OPCML: variants seen among roughly 807,000 people sequenced by gnomAD.
OPCML encodes the protein opioid-binding protein/cell adhesion molecule.
Under a neutral mutation model 37.8 loss-of-function variants are expected in OPCML, and 13 were observed. The ratio of observed to expected loss-of-function variants is 0.34; its 90% CI spans 0.22 to 0.55. The LOEUF (loss-of-function observed/expected upper bound fraction) is 0.55, where lower values mean the gene tolerates loss of function less well. Among genes scored for constraint, OPCML ranks in the 20% least tolerant of loss-of-function variants. The probability of loss-of-function intolerance (pLI) is 0.91; values close to 1 mark genes in which losing one functional copy is unlikely to be tolerated. For synonymous variants in OPCML, 176 were observed against 168.8 expected, an observed-to-expected ratio of 1.04 and a Z score of -0.33; for missense variants, 341 against 435.6, an observed-to-expected ratio of 0.78 and a Z score of 1.93.
chr11:132,487,812 C>A (rs1438632751), intron 4 of OPCML, among the ~76,000 whole-genome samples: 1 of 152,204 alleles, frequency 6.6e-6, no homozygotes, highest in Non-Finnish European at 1.5e-5. Context: ...CACGATTGGC[C>A]ATGATTCTTA....
chr11:132,750,838 GGTGTGCAAT>G (rs138497945), intron 2 of OPCML, among the ~76,000 whole-genome samples: 5,269 of 150,800 alleles, frequency 0.035, 177 homozygotes, highest in African/African-American at 0.089. Flanking sequence ...CGCCCAGGCT[GGTGTGCAAT>G]GTGTGCAATG....
chr11:132,575,914 G>T (rs2096449443), intron 3 of OPCML, among the ~76,000 whole-genome samples: 2 of 152,004 alleles, frequency 1.3e-5, no homozygotes, highest in African/African-American at 4.8e-5. Context: ...GCCAGGCATA[G>T]TAATCTTGAT....
At chr11:132,673,539 G>A (rs2135824605) in intron 2 of OPCML, among the ~76,000 whole-genome samples, 1 of 152,198 alleles carries the variant, frequency 6.6e-6, no homozygotes, top group East Asian at 1.9e-4. Flanking sequence ...CTGCACCCAG[G>A]TTGATTAGCT....
At chr11:133,059,477 C>G (rs1483448216) in intron 1 of OPCML, among the ~76,000 whole-genome samples, 3 of 152,162 alleles carry the variant, frequency 2.0e-5, no homozygotes, top group Non-Finnish European at 4.4e-5. Context: ...ATGGACAACC[C>G]CAGCACACAA....
chr11:132,804,761 G>A (rs745577887), intron 2 of OPCML, among the ~76,000 whole-genome samples: 1 of 152,182 alleles, frequency 6.6e-6, no homozygotes, highest in South Asian at 2.1e-4. Context: ...AGTGTGATCA[G>A]CCAGTAATTG....
At chr11:132,509,308 T>C (rs1565623661) in intron 4 of OPCML, among the ~76,000 whole-genome samples, 1 of 151,902 alleles carries the variant, frequency 6.6e-6, no homozygotes, top group East Asian at 1.9e-4. Context: ...AAACAGAGCA[T>C]AAATGTTCAG....
rs577038871 is a variant in OPCML, at chr11:132,497,392, C to T, written c.505+31669G>A. Among the ~76,000 whole-genome samples the T allele has an allele frequency of 6.7e-5, 10 of 148,604 alleles. No homozygotes were observed. In the East Asian group the frequency reaches 2.0e-3, roughly 30 times the overall value. On this transcript the variant is annotated intron_variant, in intron 4 of 7. Coordinates refer to ENST00000524381, the MANE Select transcript of OPCML (RefSeq NM_001012393.5). ...AACCTGCATGCCTGGCACATGTACC[C>T]CTGAACTTAAAATAAAAGCTGAACA...
intron 2 of OPCML, among the ~76,000 whole-genome samples, chr11:132,743,430 G>A (rs183117154): frequency 1.6e-3 from 248 of 152,246 alleles, no homozygotes; most frequent in African/African-American, 5.6e-3. Flanking sequence ...AACCCTCCAG[G>A]AAGGAAGGAT....
chr11:132,666,458 C>G (rs1942224489), intron 2 of OPCML, among the ~76,000 whole-genome samples: 1 of 152,126 alleles, frequency 6.6e-6, no homozygotes, highest in African/African-American at 2.4e-5. Context: ...TAAACACCCC[C>G]AACCAAGCCC....
At chr11:132,687,746 A>G (rs937529067) in intron 2 of OPCML, among the ~76,000 whole-genome samples, 3 of 152,060 alleles carry the variant, frequency 2.0e-5, no homozygotes, top group East Asian at 3.9e-4. Flanking sequence ...CTAAGTAACA[A>G]GTATTTAGAA....
chr11:132,759,355 G>A (rs1030219021), intron 2 of OPCML, among the ~76,000 whole-genome samples: 1 of 152,084 alleles, frequency 6.6e-6, no homozygotes, highest in Non-Finnish European at 1.5e-5. Context: ...CTATTGTTTG[G>A]AATAGTTTTA....
chr11:132,741,472 T>C (rs1945430845), intron 2 of OPCML, among the ~76,000 whole-genome samples: 1 of 152,170 alleles, frequency 6.6e-6, no homozygotes, highest in Non-Finnish European at 1.5e-5. Flanking sequence ...TCAAGTGGCA[T>C]GACTCGACTC....
At chr11:132,837,043 A>T (rs1941046890) in intron 2 of OPCML, among the ~76,000 whole-genome samples, 1 of 152,176 alleles carries the variant, frequency 6.6e-6, no homozygotes, top group Admixed American at 6.5e-5. Context: ...GGCTGGATGC[A>T]GTGGCTCATG....
rs116616145 is a variant in OPCML at position 133,009,035 on chromosome 11, C to T, written c.62-66025G>A. 2.0e-4 allele frequency: 197 copies of T among 985,406 alleles called. No individual in the cohort carries two copies. The African/African-American group carries it at 3.2e-3, about 16-fold the overall frequency. The allele number at this position is 985,406 out of a possible 1,614,324, so 61.0% of individuals were successfully genotyped here. On this transcript the variant is annotated intron_variant, in intron 1 of 7. Transcript: ENST00000524381. ...TGACATCTGTTTCAAGTTTTGATTA[C>T]TTAAACATATTTACTCTTCCAGATT...
At chr11:133,200,602 T>C (rs963575926) in intron 1 of OPCML, among the ~76,000 whole-genome samples, 4 of 152,192 alleles carry the variant, frequency 2.6e-5, no homozygotes, top group African/African-American at 7.2e-5. Flanking sequence ...TACTAGGACA[T>C]AGACATACAG....
chr11:132,424,595 G>A (rs760977538), intron 7 of OPCML, among the ~76,000 whole-genome samples: 9 of 152,168 alleles, frequency 5.9e-5, no homozygotes, highest in Non-Finnish European at 1.0e-4. Context: ...GGGTAAGGTC[G>A]CTGACCGCAA....
chr11:133,359,778 A>G (rs1365239263), intron 1 of OPCML, among the ~76,000 whole-genome samples: 1 of 152,194 alleles, frequency 6.6e-6, no homozygotes, highest in African/African-American at 2.4e-5. Flanking sequence ...TATTTAACTT[A>G]TCTTGTTATC....
At chr11:133,015,788 C>T (rs1042770646) in intron 1 of OPCML, among the ~76,000 whole-genome samples, 3 of 152,144 alleles carry the variant, frequency 2.0e-5, no homozygotes, top group Admixed American at 6.5e-5. Context: ...CTCCTCTTCC[C>T]CACTTGTAAC....
intron 1 of OPCML, among the ~76,000 whole-genome samples, chr11:133,210,883 G>A (rs487535): frequency 0.071 from 10,810 of 152,078 alleles, 430 homozygotes; most frequent in Non-Finnish European, 0.096. Context: ...AGGTGTGTGC[G>A]GTTAGAATGT....
Sources: allele counts gnomAD v4.1 joint callset (sites outside exome capture counted in the v4.1 genomes callset), GRCh38; gene constraint gnomAD v4.1.1; transcripts MANE v1.5; gene names NCBI Gene and HGNC (gene_info 2026-07-23, HGNC 2026-07-21).